Variants in CA10 observed in about 807,000 individuals in gnomAD.
The protein encoded by CA10 is carbonic anhydrase 10 (inactive).
Under a neutral mutation model 44.2 loss-of-function variants are expected in CA10, and 14 were observed. That is an observed-to-expected ratio of 0.32 (90% confidence interval 0.21 to 0.50). CA10 has a LOEUF of 0.50. Among genes scored for constraint, CA10 ranks in the 20% least tolerant of loss-of-function variants. The probability of loss-of-function intolerance (pLI) is 0.99; values close to 1 mark genes in which losing one functional copy is unlikely to be tolerated. For synonymous variants in CA10, 159 were observed against 141.6 expected (o/e 1.12, Z -0.87); for missense variants, 350 against 409.7 (o/e 0.85, Z 1.26).
chr17:51,847,899 C>T (rs1978567901), intron 3 of CA10, among the ~76,000 whole-genome samples: 1 of 152,166 alleles, frequency 6.6e-6, no homozygotes, highest in Non-Finnish European at 1.5e-5. Context: ...AAACAGAGAT[C>T]AGAACAGCAC....
At chr17:51,695,817 C>A (rs1597991304) in intron 4 of CA10, among the ~76,000 whole-genome samples, 1 of 152,088 alleles carries the variant, frequency 6.6e-6, no homozygotes, top group Admixed American at 6.5e-5. Flanking sequence ...TAGATGGCTC[C>A]TATTATTTTG....
chr17:51,703,298 A>G (rs1017747245), intron 4 of CA10, among the ~76,000 whole-genome samples: 3 of 152,134 alleles, frequency 2.0e-5, no homozygotes, highest in African/African-American at 4.8e-5. Flanking sequence ...TGTTCTAAAT[A>G]ACTCCAACAA....
At chr17:51,665,963 G>A (rs1269770399) in intron 4 of CA10, among the ~76,000 whole-genome samples, 3 of 152,226 alleles carry the variant, frequency 2.0e-5, no homozygotes, top group African/African-American at 7.2e-5. Flanking sequence ...AGAAGGCTAG[G>A]CAAAGGCCAT....
intron 3 of CA10, among the ~76,000 whole-genome samples, chr17:51,912,344 A>G (rs1255880067): frequency 6.6e-6 from 1 of 152,206 alleles, no homozygotes; most frequent in Non-Finnish European, 1.5e-5. Flanking sequence ...TCTACAAGTC[A>G]GGAAGGAGGC....
At chr17:51,693,367 A>T (rs1208570806) in intron 4 of CA10, among the ~76,000 whole-genome samples, 1 of 152,120 alleles carries the variant, frequency 6.6e-6, no homozygotes, top group Non-Finnish European at 1.5e-5. Context: ...AACATTTTTG[A>T]CTTGGGGTTA....
At chr17:52,040,190 A>G (rs541020540) in intron 2 of CA10, among the ~76,000 whole-genome samples, 28 of 150,780 alleles carry the variant, frequency 1.9e-4, no homozygotes, top group Admixed American at 9.9e-4. Flanking sequence ...TTCAAAATCA[A>G]TAACAGAAAA....
intron 3 of CA10, among the ~76,000 whole-genome samples, chr17:51,872,220 T>C (rs1979851104): frequency 6.6e-6 from 1 of 152,198 alleles, no homozygotes; most frequent in African/African-American, 2.4e-5. Flanking sequence ...TTCCTTTTGA[T>C]AGCACAAAGA....
chr17:52,098,303 A>AT (rs1225021603), intron 1 of CA10, among the ~76,000 whole-genome samples: 4 of 152,162 alleles, frequency 2.6e-5, no homozygotes, highest in African/African-American at 4.8e-5. Context: ...AAACATCTAC[A>AT]TTTTTTGAAA....
chr17:51,937,071 C>CA (rs1370801566), intron 2 of CA10, among the ~76,000 whole-genome samples: 1 of 152,078 alleles, frequency 6.6e-6, no homozygotes, highest in Non-Finnish European at 1.5e-5. Context: ...CGTTTTCAAG[C>CA]AATAAACTAA....
At chr17:51,655,091 T>G (rs1434119846) in intron 4 of CA10, among the ~76,000 whole-genome samples, 1 of 152,208 alleles carries the variant, frequency 6.6e-6, no homozygotes, top group East Asian at 1.9e-4. Flanking sequence ...TGATTAATAA[T>G]TATGATTCTG....
chr17:51,659,383 G>T (rs1234188209), intron 4 of CA10, among the ~76,000 whole-genome samples: 1 of 152,162 alleles, frequency 6.6e-6, no homozygotes, highest in Non-Finnish European at 1.5e-5. Context: ...TGGTTCTCCA[G>T]CTTGCAGACT....
intron 2 of CA10, among the ~76,000 whole-genome samples, chr17:52,047,446 TATCTC>T: frequency 6.6e-6 from 1 of 152,020 alleles, no homozygotes; most frequent in Non-Finnish European, 1.5e-5. Context: ...AAGTAAATAA[TATCTC>T]AACAGAATAG....
chr17:52,043,073 T>C (rs1249919523), intron 2 of CA10, among the ~76,000 whole-genome samples: 1 of 152,068 alleles, frequency 6.6e-6, no homozygotes, highest in African/African-American at 2.4e-5. Flanking sequence ...CATTGGATAT[T>C]CAGAGCTGTT....
At chr17:52,146,687 TAA>T (rs1331564840) in intron 1 of CA10, among the ~76,000 whole-genome samples, 4 of 147,244 alleles carry the variant, frequency 2.7e-5, no homozygotes, top group Non-Finnish European at 6.0e-5. Flanking sequence ...AATAAATAAA[TAA>T]ATAAATAAAT....
intron 3 of CA10, among the ~76,000 whole-genome samples, chr17:51,828,271 A>G (rs964503593): frequency 2.0e-5 from 3 of 152,104 alleles, no homozygotes; most frequent in Non-Finnish European, 4.4e-5. Context: ...GCCTCTTCAA[A>G]CTCAGAACAT....
At chr17:51,840,502 CA>C (rs2143803525) in intron 3 of CA10, among the ~76,000 whole-genome samples, 2 of 144,430 alleles carry the variant, frequency 1.4e-5, no homozygotes, top group South Asian at 4.3e-4. Context: ...CACACACACA[CA>C]CACACACACA....
At chr17:51,894,456 A>T (rs1408235850) in intron 3 of CA10, among the ~76,000 whole-genome samples, 1 of 152,222 alleles carries the variant, frequency 6.6e-6, no homozygotes, top group East Asian at 1.9e-4. Flanking sequence ...AAAGTGTCAT[A>T]CCTCCTAAAG....
intron 4 of CA10, among the ~76,000 whole-genome samples, chr17:51,678,560 C>T (rs963596076): frequency 6.6e-6 from 1 of 152,174 alleles, no homozygotes; most frequent in Non-Finnish European, 1.5e-5. Context: ...AGCCCTCCAG[C>T]ATGTGTATGT....
intron 3 of CA10, among the ~76,000 whole-genome samples, chr17:51,876,133 T>A (rs1245526670): frequency 6.6e-6 from 1 of 150,834 alleles, no homozygotes; most frequent in Non-Finnish European, 1.5e-5. Flanking sequence ...AGGTTTTATG[T>A]GAAGATAAAA....
Sources: gnomAD v4.1 joint callset for allele counts (sites outside exome capture counted in the v4.1 genomes callset) on GRCh38, gnomAD v4.1.1 for gene constraint, MANE v1.5 for transcripts, NCBI Gene and HGNC (gene_info 2026-07-23, HGNC 2026-07-21) for gene names.